The following VWF variants were observed in gnomAD, a reference collection of about 807,000 sequenced individuals.
VWF encodes von Willebrand factor.
In VWF, 176 loss-of-function variants were observed where a neutral mutation model predicts 308.6. The ratio of observed to expected loss-of-function variants is 0.57; its 90% CI spans 0.50 to 0.65. The LOEUF (loss-of-function observed/expected upper bound fraction) is 0.65. Ranked by LOEUF, VWF falls within the 30% of genes least tolerant of loss-of-function variation. The pLI is 0.00. For missense variants in VWF, 3,146 were observed against 3,648.2 expected (o/e 0.86, Z 3.55); for synonymous variants, 1,385 against 1,443.4 (o/e 0.96, Z 0.92).
intron 17 of VWF, among the ~76,000 whole-genome samples, chr12:6,045,136 T>C (rs1230596366): frequency 3.9e-5 from 6 of 152,246 alleles, no homozygotes; most frequent in African/African-American, 7.2e-5. Flanking sequence ...CTATCTACTT[T>C]GCGCATTGAC....
intron 6 of VWF, among the ~76,000 whole-genome samples, chr12:6,082,007 C>A (rs1944917163): frequency 6.6e-6 from 1 of 151,802 alleles, no homozygotes; most frequent in Admixed American, 6.6e-5. Context: ...CGCTCTGTCG[C>A]CCAGGCTGGA....
intron 5 of VWF, among the ~76,000 whole-genome samples, chr12:6,101,422 AG>A (rs760412801): frequency 8.8e-5 from 13 of 148,422 alleles, no homozygotes; most frequent in Middle Eastern, 6.8e-3. Flanking sequence ...AGCAACACAG[AG>A]GGATAAAGAG....
In VWF at chr12:6,110,423, C is replaced by T. The variant is rs1292374625; in HGVS notation, c.483G>A (p.Leu161=). The change falls in exon 5 of 52, where the codon CTG becomes CTA. Residue 161 remains leucine, a synonymous_variant. Coordinates refer to ENST00000261405, the MANE Select transcript of VWF (RefSeq NM_000552.5). ...CAGCAAAGATGTTAAAGTTGCCACA[C>T]AGCCCGCAGGTCTTGTTGAAGTATC... ...SDRYFNKTCG[L]CGNFNIFAED... is the part of the protein sequence containing the mutation. 1.9e-5 allele frequency: 31 copies of T among 1,614,220 alleles called. No individual in the cohort carries two copies. The highest frequency in any genetic ancestry group is 1.6e-4 in the Middle Eastern group (1 of 6,062).
intron 40 of VWF, among the ~76,000 whole-genome samples, chr12:5,983,864 G>C (rs1302051303): frequency 6.7e-6 from 1 of 149,480 alleles, no homozygotes; most frequent in Admixed American, 6.7e-5. Flanking sequence ...GATAGAGATA[G>C]GATAGATGAT....
intron 22 of VWF, among the ~76,000 whole-genome samples, chr12:6,029,025 G>T (rs984684074): frequency 6.6e-6 from 1 of 151,706 alleles, no homozygotes; most frequent in African/African-American, 2.4e-5. Flanking sequence ...CATCTCACGT[G>T]CAGAGACATA....
intron 19 of VWF, among the ~76,000 whole-genome samples, chr12:6,036,048 T>C (rs967606405): frequency 2.0e-5 from 3 of 152,202 alleles, no homozygotes; most frequent in Admixed American, 6.5e-5. Flanking sequence ...ATAAATGTCA[T>C]GTTTAGATTT....
chr12:5,988,622 A>G (rs971341835), intron 38 of VWF, among the ~76,000 whole-genome samples: 2 of 152,220 alleles, frequency 1.3e-5, no homozygotes, highest in Non-Finnish European at 2.9e-5. Flanking sequence ...ATTTCCCAGG[A>G]AGCTTAAGGC....
At chr12:6,029,064 A>C (rs1944227406) in intron 22 of VWF, among the ~76,000 whole-genome samples, 1 of 150,668 alleles carries the variant, frequency 6.6e-6, no homozygotes, top group African/African-American at 2.5e-5. Flanking sequence ...GGAGGGAGGA[A>C]GGTCTACCAA....
At chr12:5,983,386 A>G (rs1943630947) in intron 40 of VWF, 132 bp from the exon 41 acceptor site, 3 of 591,880 alleles carry the variant, frequency 5.1e-6, no homozygotes, top group Non-Finnish European at 5.7e-6. Context: ...ATGGAGACAG[A>G]GATTACATGG....
At chr12:6,116,096 T>C (rs181744529) in intron 3 of VWF, among the ~76,000 whole-genome samples, 196 of 152,166 alleles carry the variant, frequency 1.3e-3, no homozygotes, top group Middle Eastern at 6.8e-3. Context: ...TGTGCAGCCA[T>C]TAGGAAAACG....
Position 5,994,425 on chromosome 12 carries a change from A to T in VWF, c.6246T>A (p.Tyr2082Ter). Residue 2082 changes from tyrosine to a stop codon, truncating the protein, a stop_gained, in exon 36 of 52, where the codon TAT (tyrosine) becomes TAA (stop). Coordinates refer to ENST00000261405, the MANE Select transcript of VWF (RefSeq NM_000552.5). LOFTEE classifies it high-confidence loss of function. ...LSPKTFASKT[Y>*]GLCGICDENG... The stretch of plus-strand genomic sequence containing the variant: ...AGAAAATGTTCTTACCACACAGACC[A>T]TACGTCTTTGAAGCAAAAGTCTTGG... 1 of 1,614,210 alleles carries T rather than the reference A, an allele frequency of 6.2e-7. No homozygotes were observed. The highest frequency in any genetic ancestry group is 8.5e-7 in the Non-Finnish European group (1 of 1,180,028).
Position 5,994,509 on chromosome 12 carries a change from G to A in VWF, c.6162C>T (p.His2054=). 6.2e-7 allele frequency: 1 copy of A among 1,614,086 alleles called. No individual in the cohort carries two copies. The highest frequency in any genetic ancestry group is 8.5e-7 in the Non-Finnish European group (1 of 1,179,970). The change falls in exon 36 of 52, where the codon CAC becomes CAT. Residue 2054 remains histidine, a synonymous_variant. Coordinates refer to ENST00000261405, the MANE Select transcript of VWF (RefSeq NM_000552.5). ...GAGTGAATGTGAAGATGTGACCAAG[G>A]TGATTGAATCTGACCTCATGCATGA... ...GAIMHEVRFN[H]LGHIFTFTPQ...
intron 6 of VWF, among the ~76,000 whole-genome samples, chr12:6,088,851 AT>A (rs756039326): frequency 2.0e-5 from 3 of 152,240 alleles, no homozygotes; most frequent in Non-Finnish European, 4.4e-5. Context: ...AAACAAGGCC[AT>A]TATCAGTCCC....
chr12:6,104,646 G>A (rs541604115), intron 5 of VWF, among the ~76,000 whole-genome samples: 88 of 151,842 alleles, frequency 5.8e-4, no homozygotes, highest in Admixed American at 1.2e-3. Context: ...GCAGTGAGCT[G>A]AGATCAGGCC....
chr12:6,019,122 G>A lies in VWF; in HGVS notation c.4296C>T (p.Ala1432=). Residue 1432 remains alanine (A), a synonymous_variant, in exon 28 of 52, where the codon GCC becomes GCT. Coordinates refer to ENST00000261405, the MANE Select transcript of VWF (RefSeq NM_000552.5). The surrounding 1 kb of genome is among the most constrained non-coding windows in gnomAD (Gnocchi z 5.8). ...TCAGCACGAAGGCCTTGTTCTCAGG[G>A]GCCTGCTTCTCGATGAGGCGGATCT... is the stretch of plus-strand genomic sequence containing the variant. ...LKQIRLIEKQ[A]PENKAFVLSS... is the part of the protein sequence containing the mutation. 6.2e-7 allele frequency: 1 copy of A among 1,613,850 alleles called. No individual in the cohort carries two copies. The highest frequency in any genetic ancestry group is 1.3e-5 in the African/African-American group (1 of 75,002).
chr12:6,103,510 A>G (rs1158566555), intron 5 of VWF, among the ~76,000 whole-genome samples: 46 of 138,810 alleles, frequency 3.3e-4, no homozygotes, highest in African/African-American at 1.2e-3. Context: ...ACACGTATAT[A>G]TATACACACA....
intron 28 of VWF, 121 bp from the exon 29 acceptor site, chr12:6,016,991 G>T: frequency 1.8e-6 from 2 of 1,091,072 alleles, no homozygotes; most frequent in South Asian, 1.2e-5. Context: ...CCACCAAGGG[G>T]GGCGGGGGGT....
intron 18 of VWF, among the ~76,000 whole-genome samples, chr12:6,037,610 G>A (rs748984992): frequency 3.9e-5 from 6 of 152,176 alleles, no homozygotes; most frequent in Non-Finnish European, 5.9e-5. Context: ...CTTCTGTCCC[G>A]ACTCCAAGGG....
At chr12:6,098,533 C>T (rs547997858) in intron 5 of VWF, among the ~76,000 whole-genome samples, 7 of 152,156 alleles carry the variant, frequency 4.6e-5, no homozygotes, top group Non-Finnish European at 7.3e-5. Flanking sequence ...AATCCCAGCA[C>T]TTTGGGAGGC....
Sources: gnomAD v4.1 joint callset for allele counts (sites outside exome capture counted in the v4.1 genomes callset) on GRCh38, gnomAD v4.1.1 for gene constraint, Gnocchi (gnomAD v3.1) non-coding constraint, MANE v1.5 for transcripts, NCBI Gene and HGNC (gene_info 2026-07-23, HGNC 2026-07-21) for gene names.